Variants in SNAPC1 observed in about 807,000 individuals in gnomAD.
SNAPC1 encodes small nuclear RNA activating complex polypeptide 1, also known as snRNA-activating protein complex subunit 1.
Under a neutral mutation model 50.1 loss-of-function variants are expected in SNAPC1, and 42 were observed. The observed-to-expected ratio is 0.84, with a 90% CI of 0.65 to 1.08. The LOEUF (loss-of-function observed/expected upper bound fraction) is 1.08, where lower values mean the gene tolerates loss of function less well. Ranked by LOEUF, SNAPC1 falls within the 50% of genes least tolerant of loss-of-function variation. The pLI is 0.00. For synonymous variants in SNAPC1, 164 were observed against 144.2 expected, an observed-to-expected ratio of 1.14 and a Z score of -0.98; for missense variants, 477 against 427.3, an observed-to-expected ratio of 1.12 and a Z score of -1.02.
At chr14:61,781,871 C>T (rs2140181943) in intron 7 of SNAPC1, among the ~76,000 whole-genome samples, 1 of 152,230 alleles carries the variant, frequency 6.6e-6, no homozygotes, top group East Asian at 1.9e-4. Context: ...ATCTGGGCCA[C>T]ATGGCCAAAC....
In SNAPC1 at chr14:61,792,821, A is replaced by T. The variant is rs1175289942; in HGVS notation, c.991A>T (p.Ile331Leu). 6.4e-7 allele frequency: 1 copy of T among 1,565,186 alleles called. No individual in the cohort carries two copies. The highest frequency in any genetic ancestry group is 8.7e-7 in the Non-Finnish European group (1 of 1,146,004). The change falls in exon 9 of 10, where the codon ATA (isoleucine) becomes TTA (leucine). Residue 331 changes from isoleucine (I) to leucine (L), a missense_variant. Coordinates refer to ENST00000216294, the MANE Select transcript of SNAPC1 (RefSeq NM_003082.4). ...SLRNKGNVQN[I>L]HKEDKPLSLS... ...AATATTTCTAGGCAATGTGCAGAAT[A>T]TACACAAGGAAGATAAACCTTTAAG...
chr14:61,779,791 C>T (rs973085077), intron 7 of SNAPC1, among the ~76,000 whole-genome samples: 9 of 150,310 alleles, frequency 6.0e-5, no homozygotes, highest in African/African-American at 2.0e-4. Flanking sequence ...TCACTGCAAC[C>T]TCCGCTTCCC....
chr14:61,793,540 G>T lies in SNAPC1; in HGVS notation c.1072+638G>T, dbSNP rs541293002. Among the ~76,000 whole-genome samples the T allele has an allele frequency of 6.6e-4, 101 of 152,102 alleles. 1 individual carries two copies. Among genetic ancestry groups the T allele is most frequent in the African/African-American group, 2.4e-3 (101 of 41,502 alleles). On this transcript the variant is annotated intron_variant, in intron 9 of 9. Coordinates refer to ENST00000216294, the MANE Select transcript of SNAPC1 (RefSeq NM_003082.4). ...TTACAGGCATGAGCCACCGTGCCTG[G>T]CCTAGGAATTTGTTTTCATCTTAAT...
At chr14:61,792,786 T>C in intron 8 of SNAPC1, 21 bp from the exon 9 acceptor site, 1 of 1,312,266 alleles carries the variant, frequency 7.6e-7, no homozygotes, top group Non-Finnish European at 1.1e-6. Flanking sequence ...TCATATAAAA[T>C]CATTTTCTAA....
chr14:61,775,436 A>G (rs1045672347), intron 4 of SNAPC1, among the ~76,000 whole-genome samples: 2 of 151,942 alleles, frequency 1.3e-5, no homozygotes, highest in Non-Finnish European at 2.9e-5. Flanking sequence ...TTGTATTTTT[A>G]GTAGAGACGG....
At chr14:61,788,467 C>G (rs1339044120) in intron 8 of SNAPC1, among the ~76,000 whole-genome samples, 3 of 152,050 alleles carry the variant, frequency 2.0e-5, no homozygotes, top group African/African-American at 7.2e-5. Context: ...ATTAAAATTT[C>G]TAATTGTAAA....
chr14:61,794,346 T>A (rs1434654982), intron 9 of SNAPC1, among the ~76,000 whole-genome samples: 1 of 152,184 alleles, frequency 6.6e-6, no homozygotes, highest in Non-Finnish European at 1.5e-5. Context: ...GATATTGCAA[T>A]AGGATTGAGA....
chr14:61,780,829 G>T (rs2045066168), intron 7 of SNAPC1, among the ~76,000 whole-genome samples: 1 of 151,990 alleles, frequency 6.6e-6, no homozygotes, highest in Non-Finnish European at 1.5e-5. Context: ...TTTGGTTACT[G>T]TAGTGTGTCT....
At chr14:61,779,014 A>C (rs2045053686) in intron 7 of SNAPC1, 104 bp downstream of exon 7, 1 of 663,748 alleles carries the variant, frequency 1.5e-6, no homozygotes, top group Non-Finnish European at 2.6e-6. Context: ...TTAAAAGTCA[A>C]ATAATGCTAG....
Position 61,762,617 on chromosome 14 carries a change from C to T in SNAPC1, c.128+29C>T, listed in dbSNP as rs752178928. The T allele has an allele frequency of 5.6e-6, 9 of 1,612,036 alleles. 1 individual carries two copies. The South Asian group carries it at 9.9e-5, about 18-fold the overall frequency. ...GGTGTTTCTTGTCCACCACCCGCCT[C>T]TCCCTGCCCGCAGGTGGTGTAGAAA... is the stretch of plus-strand genomic sequence containing the variant. On this transcript the variant is annotated intron_variant, in intron 1 of 9. Transcript: ENST00000216294.
intron 1 of SNAPC1, 47 bp from the exon 2 acceptor site, chr14:61,766,829 A>G: frequency 8.0e-7 from 1 of 1,246,648 alleles, no homozygotes; most frequent in South Asian, 1.3e-5. Context: ...TTTGTTCATT[A>G]CTTATTCACT....
intron 3 of SNAPC1, among the ~76,000 whole-genome samples, chr14:61,768,122 C>G (rs978408555): frequency 1.3e-5 from 2 of 152,108 alleles, no homozygotes; most frequent in African/African-American, 4.8e-5. Context: ...CTAATTACTA[C>G]TTTTTTTTCT....
chr14:61,770,210 T>C (rs1749495329), intron 4 of SNAPC1, among the ~76,000 whole-genome samples: 1 of 151,790 alleles, frequency 6.6e-6, no homozygotes, highest in Non-Finnish European at 1.5e-5. Context: ...TTTACTCAAA[T>C]GTTTGTTTAG....
At chr14:61,783,016 C>CTTTTTTTTTTTTTTTT (rs1191462174) in intron 8 of SNAPC1, among the ~76,000 whole-genome samples, 1 of 125,968 alleles carries the variant, frequency 7.9e-6, no homozygotes, top group African/African-American at 3.1e-5. Flanking sequence ...TTTTCCAGTG[C>CTTTTTTTTTTTTTTTT]ATTTTTTTTT....
At position 61,782,324 on chromosome 14, in the gene SNAPC1, C is replaced by A. The variant is rs768220751; in HGVS notation, c.903C>A (p.Val301=). The A allele has an allele frequency of 6.2e-7, 1 of 1,613,228 alleles. No homozygotes were observed. The highest frequency in any genetic ancestry group is 1.1e-5 in the South Asian group (1 of 90,964). Residue 301 remains valine (V), a synonymous_variant, in exon 8 of 10, where the codon GTC becomes GTA. Coordinates refer to ENST00000216294, the MANE Select transcript of SNAPC1 (RefSeq NM_003082.4). ...DSDSASGQGQ[V]KATRKKEKKE... ...ATTCTGCATCTGGTCAAGGGCAAGT[C>A]AAAGCAACTAGGAAAAAAGAGAAGA...
chr14:61,763,486 CT>C (rs71117854), intron 1 of SNAPC1, among the ~76,000 whole-genome samples: 44,624 of 97,646 alleles, frequency 0.46, 9,352 homozygotes, highest in Non-Finnish European at 0.58. Flanking sequence ...CCAGCAGCTG[CT>C]TTTTTTTTTT....
chr14:61,788,167 G>A (rs1044856964), intron 8 of SNAPC1, among the ~76,000 whole-genome samples: 1 of 152,160 alleles, frequency 6.6e-6, no homozygotes. Flanking sequence ...TTCTCAGGGT[G>A]TTAGGGAGGA....
intron 8 of SNAPC1, among the ~76,000 whole-genome samples, chr14:61,788,294 G>A (rs1018074612): frequency 6.6e-6 from 1 of 152,182 alleles, no homozygotes; most frequent in Admixed American, 6.5e-5. Flanking sequence ...GTAGTTACCT[G>A]AATAATAAAG....
intron 9 of SNAPC1, 55 bp downstream of exon 9, chr14:61,792,957 C>T: frequency 1.1e-6 from 1 of 870,696 alleles, no homozygotes; most frequent in Admixed American, 2.2e-5. Flanking sequence ...ACTCGTAGAG[C>T]ATCAAGGTTT....
Sources: allele counts gnomAD v4.1 joint callset (sites outside exome capture counted in the v4.1 genomes callset), GRCh38; gene constraint gnomAD v4.1.1; transcripts MANE v1.5; gene names NCBI Gene and HGNC (gene_info 2026-07-23, HGNC 2026-07-21).